The following GSE1 variants were observed in gnomAD, a reference collection of about 807,000 sequenced individuals.
GSE1 encodes the protein Gse1 coiled-coil protein.
Under a neutral mutation model 112.6 loss-of-function variants are expected in GSE1, and 32 were observed. The observed-to-expected ratio is 0.28, with a 90% CI of 0.21 to 0.38. The LOEUF (loss-of-function observed/expected upper bound fraction) is 0.38, where lower values mean the gene tolerates loss of function less well. Among genes scored for constraint, GSE1 ranks in the 10% least tolerant of loss-of-function variants. The probability of loss-of-function intolerance (pLI) is 1.00; values close to 1 mark genes in which losing one functional copy is unlikely to be tolerated. For missense variants in GSE1, 2,348 were observed against 1,699.2 expected (o/e 1.38, Z -6.71); for synonymous variants, 1,115 against 735.6 (o/e 1.52, Z -8.35).
chr16:85,444,115 G>C (rs2049449278), intron 2 of GSE1, among the ~76,000 whole-genome samples: 2 of 151,300 alleles, frequency 1.3e-5, no homozygotes, highest in South Asian at 4.2e-4. Flanking sequence ...CTCCGGAGTA[G>C]ATGGGACTAC....
intron 1 of GSE1, among the ~76,000 whole-genome samples, chr16:85,352,836 C>T (rs1335102660): frequency 6.6e-6 from 1 of 152,158 alleles, no homozygotes; most frequent in African/African-American, 2.4e-5. Context: ...GGGTAAAATC[C>T]TTTCACTCCC....
chr16:85,565,857 G>T (rs1200666461), intron 1 of GSE1, among the ~76,000 whole-genome samples: 8 of 152,328 alleles, frequency 5.3e-5, no homozygotes, highest in East Asian at 1.9e-4. Context: ...GGTCCCGATG[G>T]CGAGGGTTCC....
At chr16:85,514,462 C>G (rs1461656868) in intron 2 of GSE1, among the ~76,000 whole-genome samples, 1 of 143,936 alleles carries the variant, frequency 6.9e-6, no homozygotes, top group Non-Finnish European at 1.5e-5. Context: ...CTGGGGCATC[C>G]TTGGCTCTGG....
intron 1 of GSE1, among the ~76,000 whole-genome samples, chr16:85,178,834 G>A (rs1028709793): frequency 3.4e-5 from 5 of 146,376 alleles, no homozygotes; most frequent in Non-Finnish European, 6.0e-5. Flanking sequence ...CCTGGCAGGG[G>A]CTCGAGGTGG....
intron 2 of GSE1, among the ~76,000 whole-genome samples, chr16:85,389,337 G>C (rs1174472430): frequency 6.6e-6 from 1 of 152,036 alleles, no homozygotes; most frequent in African/African-American, 2.4e-5. Context: ...GCAGGCACCT[G>C]TAATCCCAGC....
chr16:85,222,559 A>G (rs996296618), intron 1 of GSE1, among the ~76,000 whole-genome samples: 1 of 152,182 alleles, frequency 6.6e-6, no homozygotes, highest in Admixed American at 6.5e-5. Flanking sequence ...TATTTTTCAC[A>G]ATAGCCAGTT....
At chr16:85,657,028 G>C (rs2052018819) in intron 7 of GSE1, among the ~76,000 whole-genome samples, 1 of 152,262 alleles carries the variant, frequency 6.6e-6, no homozygotes, top group Non-Finnish European at 1.5e-5. Flanking sequence ...GAGCCAGCAT[G>C]AGCTGGCTCT....
chr16:85,613,201 T>G, upstream of GSE1: 7 of 1,411,798 alleles, frequency 5.0e-6, no homozygotes, highest in East Asian at 3.1e-5. Flanking sequence ...GTGGGCGGCG[T>G]TGCGTTTGGG....
At chr16:85,418,317 G>A (rs901188931) in intron 2 of GSE1, among the ~76,000 whole-genome samples, 4 of 152,214 alleles carry the variant, frequency 2.6e-5, no homozygotes, top group Non-Finnish European at 5.9e-5. Flanking sequence ...CAACCTCCAA[G>A]GCATGGGACC....
chr16:85,518,326 G>A (rs1039403896), intron 2 of GSE1, among the ~76,000 whole-genome samples: 4 of 152,182 alleles, frequency 2.6e-5, no homozygotes, highest in Non-Finnish European at 4.4e-5. Flanking sequence ...GATTGTGGAA[G>A]GAGATATGGA....
Position 85,331,461 on chromosome 16 carries a change from G to A in GSE1, c.2284-26002G>A, listed in dbSNP as rs547620388. 3.1e-4 allele frequency among the ~76,000 whole-genome samples: 43 copies of A among 137,928 alleles called. No individual in the cohort carries two copies. The East Asian group carries it at 3.7e-3, about 12-fold the overall frequency. The allele number at this position is 137,928 out of a possible 152,430, so 90.5% of individuals were successfully genotyped here. On this transcript the variant is annotated intron_variant, in intron 1 of 2. Coordinates refer to the GSE1 transcript ENST00000637419. ...TATATGCGTATATATGTATATATAT[G>A]TGTGTATATATGTATATATGTGTAT...
intron 2 of GSE1, among the ~76,000 whole-genome samples, chr16:85,447,639 C>T (rs1442209285): frequency 1.3e-5 from 2 of 152,218 alleles, no homozygotes; most frequent in Non-Finnish European, 2.9e-5. Flanking sequence ...GTCACATCTT[C>T]CCACTAACCA....
rs558570459 is a variant in GSE1 at position 85,578,093 on chromosome 16, C to T, written c.37+21730C>T. ...GGCCTGCAGTTCTTCCGTTGAATTC[C>T]GGCCCCTCCCAGCTCTCCACTCTGG... On this transcript the variant is annotated intron_variant, in intron 1 of 2. Coordinates refer to the GSE1 transcript ENST00000635906. Among the ~76,000 whole-genome samples the T allele has an allele frequency of 9.8e-5, 15 of 152,330 alleles. No individual in the cohort carries two copies. In the East Asian group the frequency reaches 1.5e-3, roughly 16 times the overall value.
intron 2 of GSE1, among the ~76,000 whole-genome samples, chr16:85,544,376 C>T (rs1419131179): frequency 1.3e-5 from 2 of 152,144 alleles, no homozygotes; most frequent in Non-Finnish European, 2.9e-5. Flanking sequence ...GAGAATTCCC[C>T]CATCAGTTCA....
intron 2 of GSE1, among the ~76,000 whole-genome samples, chr16:85,412,735 G>A (rs1198067618): frequency 8.6e-5 from 13 of 151,146 alleles, no homozygotes; most frequent in Admixed American, 6.6e-4. Context: ...CAGGCCCCCC[G>A]GATAATCCTC....
intron 1 of GSE1, among the ~76,000 whole-genome samples, chr16:85,313,998 G>C (rs1362251198): frequency 1.3e-5 from 2 of 151,696 alleles, no homozygotes; most frequent in Non-Finnish European, 1.5e-5. Context: ...ATGTGTGTGT[G>C]TGTGATACAG....
chr16:85,475,865 C>G (rs2050437637), intron 2 of GSE1, among the ~76,000 whole-genome samples: 1 of 150,768 alleles, frequency 6.6e-6, no homozygotes, highest in Non-Finnish European at 1.5e-5. Flanking sequence ...CTCAAGTGAT[C>G]GTTCCACCTC....
intron 2 of GSE1, among the ~76,000 whole-genome samples, chr16:85,460,324 G>A (rs2049936925): frequency 6.6e-6 from 1 of 152,182 alleles, no homozygotes; most frequent in Non-Finnish European, 1.5e-5. Flanking sequence ...CAGAGATTCT[G>A]ATACAACTGC....
chr16:85,564,438 G>A (rs1223482449), intron 1 of GSE1, among the ~76,000 whole-genome samples: 2 of 152,208 alleles, frequency 1.3e-5, no homozygotes, highest in Non-Finnish European at 2.9e-5. Context: ...ACAAGTACTG[G>A]TGCTGAGAGG....
Sources: gnomAD v4.1 joint callset for allele counts (sites outside exome capture counted in the v4.1 genomes callset) on GRCh38, gnomAD v4.1.1 for gene constraint, MANE v1.5 for transcripts, NCBI Gene and HGNC (gene_info 2026-07-23, HGNC 2026-07-21) for gene names.